GRID2: variants seen among roughly 807,000 people sequenced by gnomAD.
GRID2 encodes the protein glutamate receptor ionotropic, delta-2.
In GRID2, 33 loss-of-function variants were observed where a neutral mutation model predicts 114.8. That is an observed-to-expected ratio of 0.29 (90% CI 0.22 to 0.38). GRID2 has a LOEUF of 0.38. Ranked by LOEUF, GRID2 falls within the 10% of genes least tolerant of loss-of-function variation. The pLI, the probability that GRID2 is intolerant of heterozygous loss-of-function variation, is 1.00. For synonymous variants in GRID2, 505 were observed against 449.9 expected, an observed-to-expected ratio of 1.12 and a Z score of -1.55; for missense variants, 1,184 against 1,257.7, an observed-to-expected ratio of 0.94 and a Z score of 0.89.
intron 12 of GRID2, among the ~76,000 whole-genome samples, chr4:93,494,361 GA>G (rs1283168575): frequency 3.3e-5 from 5 of 151,628 alleles, no homozygotes; most frequent in Admixed American, 1.3e-4. Flanking sequence ...GAATGTCAGT[GA>G]AGGGGAGAGA....
chr4:93,243,507 G>A (rs147406634), intron 8 of GRID2, among the ~76,000 whole-genome samples: 320 of 152,126 alleles, frequency 2.1e-3, no homozygotes, highest in African/African-American at 7.4e-3. Context: ...TCTGCTGCCA[G>A]TGGCTCAGTG....
chr4:93,272,271 A>G (rs1241429397), intron 8 of GRID2, among the ~76,000 whole-genome samples: 1 of 152,188 alleles, frequency 6.6e-6, no homozygotes, highest in Non-Finnish European at 1.5e-5. Flanking sequence ...CAATAAACAA[A>G]CAGAACAAAT....
At chr4:92,725,954 A>G (rs904452656) in intron 2 of GRID2, among the ~76,000 whole-genome samples, 1 of 152,148 alleles carries the variant, frequency 6.6e-6, no homozygotes, top group Admixed American at 6.6e-5. Flanking sequence ...GAAAACTGAG[A>G]GAAACTCTAA....
intron 2 of GRID2, among the ~76,000 whole-genome samples, chr4:93,057,632 A>G (rs1431869942): frequency 1.3e-5 from 2 of 151,910 alleles, no homozygotes; most frequent in Non-Finnish European, 2.9e-5. Flanking sequence ...CTTAAGTCTC[A>G]TTGACTACAA....
At chr4:93,527,144 T>A (rs1730991557) in intron 13 of GRID2, among the ~76,000 whole-genome samples, 4 of 152,200 alleles carry the variant, frequency 2.6e-5, no homozygotes, top group Admixed American at 2.6e-4. Flanking sequence ...TCTCAACTGC[T>A]AAATTCAATT....
intron 2 of GRID2, among the ~76,000 whole-genome samples, chr4:92,767,018 C>T (rs1253776500): frequency 1.3e-5 from 2 of 152,172 alleles, no homozygotes; most frequent in Non-Finnish European, 2.9e-5. Flanking sequence ...CATCCACCTT[C>T]CCTTGGAGCT....
intron 10 of GRID2, among the ~76,000 whole-genome samples, chr4:93,442,543 A>C (rs1721718031): frequency 6.6e-6 from 1 of 152,128 alleles, no homozygotes; most frequent in African/African-American, 2.4e-5. Flanking sequence ...AGAATACATA[A>C]AGTATAGAAC....
chr4:92,375,759 G>A (rs1560593951), intron 1 of GRID2, among the ~76,000 whole-genome samples: 1 of 152,018 alleles, frequency 6.6e-6, no homozygotes, highest in Non-Finnish European at 1.5e-5. Context: ...GAAATAGGCT[G>A]GACTTTGTTG....
intron 11 of GRID2, among the ~76,000 whole-genome samples, chr4:93,474,123 G>A (rs1725095427): frequency 6.6e-6 from 1 of 151,874 alleles, no homozygotes; most frequent in African/African-American, 2.4e-5. Flanking sequence ...TTCCAATACT[G>A]GGTGCTTAGA....
chr4:93,054,015 C>G (rs1013792600), intron 2 of GRID2, among the ~76,000 whole-genome samples: 1 of 151,940 alleles, frequency 6.6e-6, no homozygotes, highest in African/African-American at 2.4e-5. Flanking sequence ...GACCTAATTG[C>G]TACTACTGTC....
At chr4:93,328,208 G>A (rs977278251) in intron 8 of GRID2, among the ~76,000 whole-genome samples, 1 of 152,050 alleles carries the variant, frequency 6.6e-6, no homozygotes, top group African/African-American at 2.4e-5. Context: ...CCACTTATGA[G>A]CTAAAACCTC....
intron 2 of GRID2, among the ~76,000 whole-genome samples, chr4:92,992,318 T>A (rs1754957585): frequency 6.6e-6 from 1 of 152,170 alleles, no homozygotes; most frequent in Non-Finnish European, 1.5e-5. Flanking sequence ...TATTGTTTCA[T>A]GGCAACTTCA....
At chr4:92,666,666 T>TTTTTTTTTTTTTG in intron 2 of GRID2, among the ~76,000 whole-genome samples, 1 of 148,950 alleles carries the variant, frequency 6.7e-6, no homozygotes, top group Non-Finnish European at 1.5e-5. Context: ...TTTTTTTTTT[T>TTTTTTTTTTTTTG]TTTTCAGATC....
At chr4:92,315,993 C>CAAAAAAAAAAAAAAAAAAAAGA (rs1725951947) in intron 1 of GRID2, among the ~76,000 whole-genome samples, 10 of 61,898 alleles carry the variant, frequency 1.6e-4, no homozygotes, top group Non-Finnish European at 2.5e-4. Flanking sequence ...AAACAAAAAG[C>CAAAAAAAAAAAAAAAAAAAAGA]AAAAAAAAAA....
At chr4:93,579,161 T>A (rs1395937289) in intron 13 of GRID2, among the ~76,000 whole-genome samples, 1 of 152,200 alleles carries the variant, frequency 6.6e-6, no homozygotes, top group Non-Finnish European at 1.5e-5. Context: ...GGAAATCCTC[T>A]ATCAAGTTTA....
chr4:93,016,333 A>G (rs1448548851), intron 2 of GRID2, among the ~76,000 whole-genome samples: 1 of 152,166 alleles, frequency 6.6e-6, no homozygotes, highest in Non-Finnish European at 1.5e-5. Flanking sequence ...GGATTCGGTA[A>G]CATAGATCAG....
intron 2 of GRID2, among the ~76,000 whole-genome samples, chr4:92,945,829 G>T (rs915284429): frequency 3.3e-5 from 5 of 151,972 alleles, no homozygotes; most frequent in Non-Finnish European, 7.4e-5. Flanking sequence ...TGTAATTTTT[G>T]ATTTTTCAGG....
At chr4:92,426,246 A>G (rs1732151525) in intron 1 of GRID2, among the ~76,000 whole-genome samples, 1 of 152,156 alleles carries the variant, frequency 6.6e-6, no homozygotes, top group South Asian at 2.1e-4. Context: ...CTGACCACCA[A>G]TACTGAAATA....
chr4:92,549,122 C>CAAA (rs35094573), intron 1 of GRID2, among the ~76,000 whole-genome samples: 10,605 of 111,816 alleles, frequency 0.095, 494 homozygotes, highest in Middle Eastern at 0.24. Flanking sequence ...AGGTCTTCCG[C>CAAA]AAAAAAAAAA....
Sources: gnomAD v4.1 joint callset for allele counts (sites outside exome capture counted in the v4.1 genomes callset) on GRCh38, gnomAD v4.1.1 for gene constraint, MANE v1.5 for transcripts, NCBI Gene and HGNC (gene_info 2026-07-23, HGNC 2026-07-21) for gene names.